FBRSL1: variants seen among roughly 807,000 people sequenced by gnomAD.
FBRSL1 encodes fibrosin-1-like protein.
FBRSL1 carries 51 observed loss-of-function variants against 89.6 expected under a neutral mutation model. The ratio of observed to expected loss-of-function variants is 0.57; its 90% CI spans 0.45 to 0.72. The LOEUF (loss-of-function observed/expected upper bound fraction) is 0.72. Among genes scored for constraint, FBRSL1 ranks in the 30% least tolerant of loss-of-function variants. FBRSL1 has a pLI of 0.00. For synonymous variants in FBRSL1, 779 were observed against 681.1 expected (o/e 1.14, Z -2.24); for missense variants, 1,618 against 1,451.8 (o/e 1.11, Z -1.86).
intron 5 of FBRSL1, chr12:132,566,047 T>G (rs1202106253): frequency 6.6e-6 from 1 of 152,148 alleles, no homozygotes; most frequent in African/African-American, 2.4e-5. Flanking sequence ...AGTTGGATGG[T>G]ATGTGATTTA....
At chr12:132,570,586 T>A in intron 8 of FBRSL1, 46 bp downstream of exon 8, 2 of 1,420,610 alleles carry the variant, frequency 1.4e-6, no homozygotes, top group Non-Finnish European at 1.8e-6. Flanking sequence ...GGTTGGGGGG[T>A]GCGGGGACAC....
At chr12:132,533,205 C>T (rs558884668) in intron 4 of FBRSL1, among the ~76,000 whole-genome samples, 11 of 149,246 alleles carry the variant, frequency 7.4e-5, no homozygotes, top group African/African-American at 2.5e-4. Context: ...AGTCAGAGAG[C>T]CACAGTCTCC....
chr12:132,502,922 C>T (rs537453066), intron 1 of FBRSL1, among the ~76,000 whole-genome samples: 15 of 150,722 alleles, frequency 1.0e-4, no homozygotes, highest in South Asian at 2.1e-4. Flanking sequence ...CATTCACACC[C>T]GTCCTGGCAC....
In FBRSL1 at chr12:132,490,645, C is replaced by G. The variant is rs768212032; in HGVS notation, c.75C>G (p.Arg25=). ...GTGGCCGGCGCCGGGAGGCCGCCCG[C>G]GACGCCCGCGCCCAGAGTCCGTCGT... ...RDRGRRREAA[R]DARAQSPSSG... Residue 25 remains arginine, a synonymous_variant, in exon 1 of 19, where the codon CGC becomes CGG. Transcript: ENST00000680143. The G allele has an allele frequency of 1.0e-6, 1 of 984,446 alleles. No homozygotes were observed. The allele number at this position is 984,446 out of a possible 1,614,324, so 61.0% of individuals were successfully genotyped here. A position where few individuals can be genotyped will look rare whatever the true frequency, so the allele number is the denominator to read the frequency against.
At chr12:132,532,008 A>G (rs1405532203) in intron 4 of FBRSL1, among the ~76,000 whole-genome samples, 1 of 152,224 alleles carries the variant, frequency 6.6e-6, no homozygotes, top group African/African-American at 2.4e-5. Context: ...GACTGACTCC[A>G]GCGTGGCAGG....
intron 15 of FBRSL1, 173 bp from the exon 16 acceptor site, chr12:132,581,266 G>T (rs1387481460): frequency 3.0e-6 from 3 of 985,252 alleles, no homozygotes; most frequent in Non-Finnish European, 2.4e-6. Context: ...CCGAATTGTG[G>T]GGTAGATTCC....
Position 132,510,106 on chromosome 12 carries a change from C to T in FBRSL1, c.489+1756C>T, listed in dbSNP as rs1171628310. On this transcript the variant is annotated intron_variant, in intron 2 of 18. Coordinates refer to ENST00000680143, the MANE Select transcript of FBRSL1 (RefSeq NM_001367871.1). ...CAGCAGAAGCAGCCGCTCATGGGCC[C>T]GGAGCAGCCCTGCCCACCCAAGCGG... is the stretch of plus-strand genomic sequence containing the variant. 15 of 1,225,718 alleles carry T rather than the reference C, an allele frequency of 1.2e-5. No individual in the cohort carries two copies. The South Asian group carries it at 1.2e-4, about 10-fold the overall frequency. 75.9% of individuals were successfully genotyped at this position (1,225,718 alleles called of 1,614,324 possible).
At chr12:132,525,937 C>G in intron 3 of FBRSL1, 114 bp downstream of exon 3, 2 of 826,220 alleles carry the variant, frequency 2.4e-6, no homozygotes, top group Non-Finnish European at 3.8e-6. Flanking sequence ...GTGCCCTGCA[C>G]AAGGGCGTCC....
chr12:132,566,956 G>A (rs891107900), intron 5 of FBRSL1, among the ~76,000 whole-genome samples: 1 of 152,244 alleles, frequency 6.6e-6, no homozygotes, highest in African/African-American at 2.4e-5. Context: ...GAGGTGCCCT[G>A]CAGCCTTGCG....
chr12:132,510,743 A>G (rs2034239757), intron 2 of FBRSL1: 3 of 1,198,774 alleles, frequency 2.5e-6, no homozygotes, highest in Non-Finnish European at 2.1e-6. Flanking sequence ...CTGGCGTCAC[A>G]GTGCCCCCAC....
chr12:132,583,314 G>A lies in FBRSL1; in HGVS notation c.2545G>A (p.Gly849Ser). ...GLGRERLGAPGFAWEPFRGLE... is the reference protein window; with the variant it reads ...GLGRERLGAPSFAWEPFRGLE... ...GGGCCGCGAGCGCCTGGGCGCGCCG[G>A]GCTTCGCGTGGGAGCCTTTCCGCGG... Residue 849 changes from glycine to serine, a missense_variant, in exon 19 of 19, where the codon GGC (glycine) becomes AGC (serine). Coordinates refer to ENST00000680143, the MANE Select transcript of FBRSL1 (RefSeq NM_001367871.1). 1 of 1,192,460 alleles carries A rather than the reference G, an allele frequency of 8.4e-7. No individual in the cohort carries two copies. The highest frequency in any genetic ancestry group is 1.0e-6 in the Non-Finnish European group (1 of 960,272). The allele number at this position is 1,192,460 out of a possible 1,614,324, so 73.9% of individuals were successfully genotyped here.
At chr12:132,581,268 G>A in intron 15 of FBRSL1, 171 bp from the exon 16 acceptor site, 2 of 985,430 alleles carry the variant, frequency 2.0e-6, no homozygotes, top group Non-Finnish European at 2.4e-6. Flanking sequence ...GAATTGTGGG[G>A]TAGATTCCAC....
At chr12:132,558,190 C>T (rs891709459) in intron 5 of FBRSL1, among the ~76,000 whole-genome samples, 10 of 152,202 alleles carry the variant, frequency 6.6e-5, no homozygotes, top group African/African-American at 2.4e-4. Flanking sequence ...CCTGACTTAT[C>T]CCTGAGGGCT....
chr12:132,515,477 T>C (rs2034752475), intron 2 of FBRSL1, among the ~76,000 whole-genome samples: 1 of 151,262 alleles, frequency 6.6e-6, no homozygotes, highest in Admixed American at 6.6e-5. Flanking sequence ...TAGCTTGTGC[T>C]TATATGGGAA....
chr12:132,570,227 C>T lies in FBRSL1; in HGVS notation c.993C>T (p.Gly331=), dbSNP rs1045863031. 3 of 1,495,632 alleles carry T rather than the reference C, an allele frequency of 2.0e-6. No individual in the cohort carries two copies. The highest frequency in any genetic ancestry group is 1.8e-6 in the Non-Finnish European group (2 of 1,131,710). 92.6% of individuals were successfully genotyped at this position (1,495,632 alleles called of 1,614,324 possible). The change falls in exon 7 of 19, where the codon GGC becomes GGT. Residue 331 remains glycine (G), a synonymous_variant. Coordinates refer to ENST00000680143, the MANE Select transcript of FBRSL1 (RefSeq NM_001367871.1). ...FAGHSQAAAN[G]LHGLSRSSSA... Reference sequence around the variant, plus strand: ...GCCACAGCCAGGCGGCAGCCAACGGCCTGCACGGCCTCAGGTGGGGTCCCC... The same window carrying T: ...GCCACAGCCAGGCGGCAGCCAACGGTCTGCACGGCCTCAGGTGGGGTCCCC...
intron 9 of FBRSL1, 122 bp from the exon 10 acceptor site, chr12:132,572,166 C>A: frequency 1.2e-6 from 1 of 861,920 alleles, no homozygotes; most frequent in Non-Finnish European, 1.8e-6. Flanking sequence ...TGGCCGAAGC[C>A]GCCAGCCTCA....
At chr12:132,574,452 G>A (rs1405771617) in intron 13 of FBRSL1, 41 bp from the exon 14 acceptor site, 4 of 1,548,864 alleles carry the variant, frequency 2.6e-6, no homozygotes, top group East Asian at 2.4e-5. Flanking sequence ...ACATGGGTGG[G>A]GGTGGCACCA....
At chr12:132,550,359 C>T (rs911054574) in intron 5 of FBRSL1, among the ~76,000 whole-genome samples, 3 of 152,106 alleles carry the variant, frequency 2.0e-5, no homozygotes, top group South Asian at 2.1e-4. Context: ...ACTGAGTCCC[C>T]GTGATGGTGG....
intron 5 of FBRSL1, among the ~76,000 whole-genome samples, chr12:132,561,991 C>T (rs1402350959): frequency 1.3e-5 from 2 of 152,156 alleles, no homozygotes; most frequent in Non-Finnish European, 2.9e-5. Flanking sequence ...CGAGGCCTTT[C>T]TGGGGAGCCG....
Sources: gnomAD v4.1 joint callset for allele counts (sites outside exome capture counted in the v4.1 genomes callset) on GRCh38, gnomAD v4.1.1 for gene constraint, MANE v1.5 for transcripts, NCBI Gene and HGNC (gene_info 2026-07-23, HGNC 2026-07-21) for gene names.